Variants in FGF12 observed in about 807,000 individuals in gnomAD.
FGF12 encodes the protein fibroblast growth factor 12B.
Under a neutral mutation model 23.6 loss-of-function variants are expected in FGF12, and 14 were observed. The ratio of observed to expected loss-of-function variants is 0.59; its 90% CI spans 0.39 to 0.93. The LOEUF (loss-of-function observed/expected upper bound fraction) is 0.93. Ranked by LOEUF, FGF12 falls within the 40% of genes least tolerant of loss-of-function variation. The pLI is 0.00. For missense variants in FGF12, 175 were observed against 217.8 expected (o/e 0.80, Z 1.24); for synonymous variants, 62 against 77.3 (o/e 0.80, Z 1.04).
At chr3:192,405,972 C>T (rs1720941147) in intron 2 of FGF12, among the ~76,000 whole-genome samples, 1 of 152,152 alleles carries the variant, frequency 6.6e-6, no homozygotes, top group Non-Finnish European at 1.5e-5. Context: ...TTAATAGGTC[C>T]TGCCATCTCT....
At chr3:192,195,554 A>G (rs922455209) in intron 4 of FGF12, among the ~76,000 whole-genome samples, 1 of 152,228 alleles carries the variant, frequency 6.6e-6, no homozygotes, top group Non-Finnish European at 1.5e-5. Context: ...GCTGTGCCAC[A>G]TAGTGTAGGT....
chr3:192,400,411 C>A, intron 2 of FGF12, among the ~76,000 whole-genome samples: 1 of 149,144 alleles, frequency 6.7e-6, no homozygotes, highest in Admixed American at 6.7e-5. Context: ...CCATGTGGCC[C>A]GGGCTGGAGT....
chr3:192,199,151 C>T (rs533849200), intron 4 of FGF12, among the ~76,000 whole-genome samples: 1 of 152,162 alleles, frequency 6.6e-6, no homozygotes, highest in Non-Finnish European at 1.5e-5. Context: ...CATGTTACTT[C>T]GTCTCTCTTG....
chr3:192,200,086 G>A (rs1717283980), intron 4 of FGF12, among the ~76,000 whole-genome samples: 1 of 151,960 alleles, frequency 6.6e-6, no homozygotes, highest in South Asian at 2.1e-4. Context: ...GGAGGCCGAG[G>A]TGGGTGGATT....
chr3:192,158,393 C>CTTTCTTTCTTTTCTT (rs1368589642), intron 5 of FGF12, among the ~76,000 whole-genome samples: 1,329 of 79,056 alleles, frequency 0.017, 36 homozygotes, highest in South Asian at 0.045. Flanking sequence ...TTTTCTTTCT[C>CTTTCTTTCTTTTCTT]TCTCTTTCTT....
At chr3:192,664,792 C>G (rs1716802026) in intron 2 of FGF12, among the ~76,000 whole-genome samples, 1 of 151,748 alleles carries the variant, frequency 6.6e-6, no homozygotes, top group South Asian at 2.1e-4. Context: ...AAAAAGTCAC[C>G]AAAAAGCCAG....
At chr3:192,665,870 T>C (rs1050614192) in intron 2 of FGF12, among the ~76,000 whole-genome samples, 5 of 152,214 alleles carry the variant, frequency 3.3e-5, no homozygotes, top group African/African-American at 1.2e-4. Context: ...ATTCAATTAG[T>C]TATGGAAGAA....
chr3:192,224,494 T>C (rs975471461), intron 4 of FGF12, among the ~76,000 whole-genome samples: 37 of 152,232 alleles, frequency 2.4e-4, no homozygotes, highest in African/African-American at 7.5e-4. Flanking sequence ...GCCATTTTAT[T>C]ATAGAAAAAT....
chr3:192,609,363 T>C (rs1468771273), intron 2 of FGF12, among the ~76,000 whole-genome samples: 1 of 152,088 alleles, frequency 6.6e-6, no homozygotes, highest in Non-Finnish European at 1.5e-5. Context: ...TCTCCAGATA[T>C]ACTTTGGCTT....
At chr3:192,411,375 A>G (rs528157258) in intron 2 of FGF12, among the ~76,000 whole-genome samples, 3 of 152,352 alleles carry the variant, frequency 2.0e-5, no homozygotes, top group Admixed American at 2.0e-4. Flanking sequence ...TCCTGAGGAA[A>G]GGGAGAATCC....
chr3:192,463,147 G>A (rs896012148), intron 2 of FGF12, among the ~76,000 whole-genome samples: 5 of 152,122 alleles, frequency 3.3e-5, no homozygotes, highest in Non-Finnish European at 5.9e-5. Context: ...GGCAGGGTGC[G>A]GTGGCTCATG....
chr3:192,677,559 T>C (rs1296260812), intron 2 of FGF12, among the ~76,000 whole-genome samples: 1 of 152,168 alleles, frequency 6.6e-6, no homozygotes, highest in East Asian at 1.9e-4. Context: ...TTTCTTCTTC[T>C]AACAGAAAGA....
intron 2 of FGF12, among the ~76,000 whole-genome samples, chr3:192,635,628 C>A (rs1715550722): frequency 6.6e-6 from 1 of 152,140 alleles, no homozygotes; most frequent in African/African-American, 2.4e-5. Context: ...AATCCAGAAA[C>A]CAGAGAAAAC....
At chr3:192,200,485 T>C (rs1247914027) in intron 4 of FGF12, among the ~76,000 whole-genome samples, 2 of 151,144 alleles carry the variant, frequency 1.3e-5, no homozygotes, top group Non-Finnish European at 2.9e-5. Context: ...ATCCAAGAGA[T>C]AACATGTAAT....
chr3:192,191,348 G>A (rs1020571006), intron 4 of FGF12, among the ~76,000 whole-genome samples: 1 of 152,154 alleles, frequency 6.6e-6, no homozygotes, highest in Non-Finnish European at 1.5e-5. Context: ...AAAAAACCAA[G>A]AGTGAACCCT....
intron 2 of FGF12, among the ~76,000 whole-genome samples, chr3:192,620,230 T>C (rs1418310621): frequency 4.7e-5 from 6 of 126,802 alleles, no homozygotes; most frequent in African/African-American, 2.1e-4. Context: ...ACAAGATCAA[T>C]TACACACACA....
chr3:192,266,579 A>C (rs993332248), intron 4 of FGF12, among the ~76,000 whole-genome samples: 3 of 152,176 alleles, frequency 2.0e-5, no homozygotes, highest in Admixed American at 6.6e-5. Flanking sequence ...GCTTTAGGGT[A>C]TAAATTAAAA....
At chr3:192,156,077 T>C (rs1479669673) in intron 5 of FGF12, among the ~76,000 whole-genome samples, 1 of 152,238 alleles carries the variant, frequency 6.6e-6, no homozygotes, top group African/African-American at 2.4e-5. Context: ...CTCTTTTTTT[T>C]CTTCAAAAAT....
At chr3:192,370,736 G>T (rs9859577) in intron 2 of FGF12, among the ~76,000 whole-genome samples, 36,623 of 152,032 alleles carry the variant, frequency 0.24, 5,333 homozygotes, top group African/African-American at 0.41. Flanking sequence ...TTCCATATAA[G>T]AAGGACCTTA....
Sources: allele counts gnomAD v4.1 joint callset (sites outside exome capture counted in the v4.1 genomes callset), GRCh38; gene constraint gnomAD v4.1.1; transcripts MANE v1.5; gene names NCBI Gene and HGNC (gene_info 2026-07-23, HGNC 2026-07-21).